Variants in ACSM6 observed in about 807,000 individuals in gnomAD.
The protein encoded by ACSM6 is acyl-coenzyme A synthetase ACSM6, mitochondrial.
In ACSM6, 35 loss-of-function variants were observed where a neutral mutation model predicts 51.1. The observed-to-expected ratio is 0.69, with a 90% CI of 0.52 to 0.91. The LOEUF is 0.91. Among genes scored for constraint, ACSM6 ranks in the 40% least tolerant of loss-of-function variants. The pLI, the probability that ACSM6 is intolerant of heterozygous loss-of-function variation, is 0.00. For missense variants in ACSM6, 509 were observed against 584.1 expected (o/e 0.87, Z 1.32); for synonymous variants, 172 against 207.3 (o/e 0.83, Z 1.46).
chr10:95,203,857 TAAAAAAAAAAAAAA>T (rs34969526), intron 3 of ACSM6, among the ~76,000 whole-genome samples: 2 of 106,858 alleles, frequency 1.9e-5, no homozygotes, highest in South Asian at 3.3e-4. Context: ...ATGCTAGATT[TAAAAAAAAAAAAAA>T]AAAAAAAAAA....
intron 7 of ACSM6, among the ~76,000 whole-genome samples, chr10:95,214,582 G>C (rs2034925509): frequency 6.6e-6 from 1 of 152,170 alleles, no homozygotes; most frequent in Non-Finnish European, 1.5e-5. Flanking sequence ...CAGAAGGCTG[G>C]CTTCCTGCCA....
chr10:95,207,393 T>A, exon 4 of ACSM6: 1 of 1,614,096 alleles, frequency 6.2e-7, no homozygotes, highest in South Asian at 1.1e-5. Flanking sequence ...TGATGGGTGG[T>A]TGGATTTCAA....
At chr10:95,215,961 T>G (rs2034940011) in intron 8 of ACSM6, among the ~76,000 whole-genome samples, 1 of 152,174 alleles carries the variant, frequency 6.6e-6, no homozygotes, top group African/African-American at 2.4e-5. Context: ...AGGGTCTTGC[T>G]TTATTGCCCC....
chr10:95,227,849 CCT>C (rs1173002414), intron 10 of ACSM6, among the ~76,000 whole-genome samples: 1 of 152,198 alleles, frequency 6.6e-6, no homozygotes, highest in African/African-American at 2.4e-5. Flanking sequence ...AGGCGGATCA[CCT>C]GAGGTCAGGA....
intron 2 of ACSM6, among the ~76,000 whole-genome samples, chr10:95,199,432 T>G (rs2034768880): frequency 6.6e-6 from 1 of 152,172 alleles, no homozygotes; most frequent in Admixed American, 6.5e-5. Flanking sequence ...ATTCAGGACA[T>G]AGGCATGGGC....
At chr10:95,207,386 T>C (rs138392058) in exon 4 of ACSM6, 16 of 1,614,022 alleles carry the variant, frequency 9.9e-6, no homozygotes, top group Non-Finnish European at 1.3e-5. Flanking sequence ...AGAGCTATGA[T>C]GGGTGGTTGG....
intron 3 of ACSM6, among the ~76,000 whole-genome samples, chr10:95,205,936 C>A (rs1022086032): frequency 1.3e-5 from 2 of 152,208 alleles, no homozygotes; most frequent in Non-Finnish European, 2.9e-5. Context: ...TTCCCATCAG[C>A]CCAGTGAGTA....
chr10:95,219,805 C>A, intron 8 of ACSM6, 86 bp from the exon 9 acceptor site: 2 of 960,286 alleles, frequency 2.1e-6, no homozygotes, highest in Non-Finnish European at 1.6e-6. Flanking sequence ...TGTTAGGAGG[C>A]ACATAATGTC....
chr10:95,223,515 C>T (rs1397828595), intron 9 of ACSM6, among the ~76,000 whole-genome samples: 1 of 152,030 alleles, frequency 6.6e-6, no homozygotes, highest in African/African-American at 2.4e-5. Flanking sequence ...TCCAGAAATA[C>T]AAAGTTGGTT....
At chr10:95,201,730 A>T in intron 2 of ACSM6, 1 of 553,718 alleles carries the variant, frequency 1.8e-6, no homozygotes, top group Non-Finnish European at 3.3e-6. Flanking sequence ...GGCTGGTTTC[A>T]CGTTACATGC....
intron 7 of ACSM6, 90 bp downstream of exon 7, chr10:95,213,030 A>G: frequency 1.9e-6 from 2 of 1,072,714 alleles, no homozygotes; most frequent in Non-Finnish European, 2.8e-6. Context: ...AGTAGATCCA[A>G]TCTTACCCTC....
At chr10:95,208,505 T>C (rs1034594239) in intron 4 of ACSM6, among the ~76,000 whole-genome samples, 5 of 152,118 alleles carry the variant, frequency 3.3e-5, no homozygotes, top group African/African-American at 1.2e-4. Context: ...CACTGGGATA[T>C]GGGGAAATAC....
At chr10:95,198,030 C>T (rs1390575124) in intron 2 of ACSM6, among the ~76,000 whole-genome samples, 1 of 152,220 alleles carries the variant, frequency 6.6e-6, no homozygotes, top group Non-Finnish European at 1.5e-5. Flanking sequence ...TGATTTCATA[C>T]AACACATGTT....
intron 6 of ACSM6, among the ~76,000 whole-genome samples, chr10:95,212,312 T>C (rs1052492707): frequency 1.3e-5 from 2 of 152,202 alleles, no homozygotes; most frequent in African/African-American, 4.8e-5. Flanking sequence ...ATATCAGTTA[T>C]CATTTACTGA....
In ACSM6 at chr10:95,209,399, G is replaced by A. The variant is rs1234215745; in HGVS notation, c.612-1251G>A. On this transcript the variant is annotated intron_variant, in intron 4 of 10. Transcript: ENST00000341686. ...AGGTCTTGGAGGTCATGTAGGAGTC[G>A]TCTAGGAAACACTAAAGGGAAGGAC... 2.6e-5 allele frequency among the ~76,000 whole-genome samples: 4 copies of A among 152,148 alleles called. No homozygotes were observed. The South Asian group carries it at 6.2e-4, about 24-fold the overall frequency.
intron 5 of ACSM6, among the ~76,000 whole-genome samples, chr10:95,211,144 G>A (rs1029368439): frequency 5.3e-5 from 8 of 152,202 alleles, no homozygotes; most frequent in Non-Finnish European, 1.2e-4. Context: ...GATAAACACA[G>A]AGGTAGAGTC....
intron 9 of ACSM6, among the ~76,000 whole-genome samples, chr10:95,220,207 A>G (rs575219414): frequency 6.6e-6 from 1 of 152,334 alleles, no homozygotes; most frequent in South Asian, 2.1e-4. Flanking sequence ...ATATCCCTTT[A>G]ATGTAGTTCA....
chr10:95,201,984 G>T lies in ACSM6; in HGVS notation c.193-1G>T. 1 of 1,551,400 alleles carries T rather than the reference G, an allele frequency of 6.4e-7. No individual in the cohort carries two copies. The highest frequency in any genetic ancestry group is 1.2e-5 in the South Asian group (1 of 84,046). On this transcript the variant is annotated splice_acceptor_variant, in intron 2 of 10. Coordinates refer to ENST00000341686, the Ensembl canonical transcript of ACSM6. LOFTEE classifies it high-confidence loss of function. The stretch of plus-strand genomic sequence containing the variant: ...CATATTTTAAACATCACCCTGCCTA[G>T]GACGGACTCAGAGGGCCTTACCCCG...
chr10:95,197,399 CA>C (rs2034741542), intron 2 of ACSM6, among the ~76,000 whole-genome samples: 1 of 152,126 alleles, frequency 6.6e-6, no homozygotes, highest in South Asian at 2.1e-4. Flanking sequence ...ATTATTTCAG[CA>C]AAAAGGAATG....
Sources: gnomAD v4.1 joint callset for allele counts (sites outside exome capture counted in the v4.1 genomes callset) on GRCh38, gnomAD v4.1.1 for gene constraint, MANE v1.5 for transcripts, NCBI Gene and HGNC (gene_info 2026-07-23, HGNC 2026-07-21) for gene names.